The following CSMD1 variants were observed in gnomAD, a reference collection of about 807,000 sequenced individuals.
The protein encoded by CSMD1 is CUB and sushi domain-containing protein 1.
Under a neutral mutation model 417.5 loss-of-function variants are expected in CSMD1, and 213 were observed. The ratio of observed to expected loss-of-function variants is 0.51; its 90% CI spans 0.46 to 0.57. The LOEUF (loss-of-function observed/expected upper bound fraction) is 0.57, where lower values mean the gene tolerates loss of function less well. Among genes scored for constraint, CSMD1 ranks in the 20% least tolerant of loss-of-function variants. The pLI, the probability that CSMD1 is intolerant of heterozygous loss-of-function variation, is 0.00. For missense variants in CSMD1, 6,923 were observed against 4,529.7 expected, an observed-to-expected ratio of 1.53 and a Z score of -15.17; for synonymous variants, 2,862 against 1,736.8, an observed-to-expected ratio of 1.65 and a Z score of -16.11.
intron 12 of CSMD1, among the ~76,000 whole-genome samples, chr8:3,464,243 C>A (rs1315218708): frequency 2.0e-5 from 3 of 152,076 alleles, no homozygotes; most frequent in Admixed American, 2.0e-4. Context: ...TCAGAGTCAA[C>A]TCACTTTACT....
chr8:4,400,172 C>A (rs756792619), intron 3 of CSMD1, among the ~76,000 whole-genome samples: 9 of 152,140 alleles, frequency 5.9e-5, no homozygotes, highest in Non-Finnish European at 8.8e-5. Flanking sequence ...GAAGTAATTA[C>A]TGATTAAATA....
At chr8:3,783,503 A>G (rs1799292929) in intron 5 of CSMD1, among the ~76,000 whole-genome samples, 1 of 152,116 alleles carries the variant, frequency 6.6e-6, no homozygotes, top group Non-Finnish European at 1.5e-5. Context: ...TGAGGAGGGG[A>G]AAGGACCTGA....
intron 3 of CSMD1, among the ~76,000 whole-genome samples, chr8:4,207,198 G>C (rs994366551): frequency 6.6e-6 from 1 of 152,152 alleles, no homozygotes; most frequent in Non-Finnish European, 1.5e-5. Context: ...GACGTAGATA[G>C]GAAATGAATG....
chr8:4,139,830 G>T (rs989614149), intron 3 of CSMD1, among the ~76,000 whole-genome samples: 1 of 150,972 alleles, frequency 6.6e-6, no homozygotes, highest in African/African-American at 2.5e-5. Context: ...AGAGGGCCTT[G>T]GAGCAGAAGA....
intron 3 of CSMD1, among the ~76,000 whole-genome samples, chr8:4,040,007 C>A (rs1471961365): frequency 3.9e-5 from 6 of 152,116 alleles, no homozygotes; most frequent in African/African-American, 1.4e-4. Context: ...GTGCCCCATA[C>A]ATGTCAGGAC....
chr8:4,450,566 C>T (rs1371493447), intron 2 of CSMD1, among the ~76,000 whole-genome samples: 4 of 151,972 alleles, frequency 2.6e-5, no homozygotes, highest in African/African-American at 4.8e-5. Flanking sequence ...ACCCGGGAGG[C>T]AGAGGTTGCA....
At chr8:4,533,797 G>A (rs1186840508) in intron 2 of CSMD1, among the ~76,000 whole-genome samples, 1 of 151,396 alleles carries the variant, frequency 6.6e-6, no homozygotes, top group Non-Finnish European at 1.5e-5. Context: ...ATTTTTCTGT[G>A]CTTCTATATT....
At chr8:4,968,167 A>G (rs1810004010) in intron 1 of CSMD1, among the ~76,000 whole-genome samples, 1 of 152,196 alleles carries the variant, frequency 6.6e-6, no homozygotes, top group South Asian at 2.1e-4. Flanking sequence ...TACTTCTGAA[A>G]TAGGATAATT....
At chr8:3,859,974 C>G (rs892159614) in intron 5 of CSMD1, among the ~76,000 whole-genome samples, 4 of 152,036 alleles carry the variant, frequency 2.6e-5, no homozygotes, top group East Asian at 1.9e-4. Flanking sequence ...AATTTTCAAG[C>G]CTGAGGGTGG....
intron 2 of CSMD1, among the ~76,000 whole-genome samples, chr8:4,474,587 G>C (rs1004854241): frequency 2.6e-5 from 4 of 152,118 alleles, no homozygotes; most frequent in Non-Finnish European, 5.9e-5. Flanking sequence ...ACCTTTAGGC[G>C]GTGTTTCTGT....
intron 10 of CSMD1, among the ~76,000 whole-genome samples, chr8:3,548,340 G>C (rs1798763711): frequency 6.6e-6 from 1 of 151,928 alleles, no homozygotes; most frequent in Admixed American, 6.6e-5. Context: ...GGTGGTATTT[G>C]GTTACGTGAT....
intron 26 of CSMD1, among the ~76,000 whole-genome samples, chr8:3,237,366 C>G (rs1302911505): frequency 2.6e-5 from 4 of 151,496 alleles, no homozygotes; most frequent in Non-Finnish European, 1.5e-5. Flanking sequence ...ACTCGGGAGG[C>G]TGAGGCAGGA....
intron 26 of CSMD1, among the ~76,000 whole-genome samples, chr8:3,269,954 A>T (rs573389132): frequency 6.6e-6 from 1 of 152,072 alleles, no homozygotes; most frequent in East Asian, 1.9e-4. Flanking sequence ...CATAAAGCAA[A>T]GTTTAGGTCA....
intron 3 of CSMD1, among the ~76,000 whole-genome samples, chr8:4,411,386 G>C (rs1384754786): frequency 3.3e-5 from 5 of 151,942 alleles, no homozygotes; most frequent in Admixed American, 2.6e-4. Context: ...CAGCCACAGT[G>C]CTGGTCTTAG....
In CSMD1 at chr8:4,467,164, T is replaced by G. The variant is rs181687174; in HGVS notation, c.303-47099A>C. Among the ~76,000 whole-genome samples the G allele has an allele frequency of 5.5e-4, 84 of 151,644 alleles. 1 individual carries two copies. Among genetic ancestry groups the G allele is most frequent in the Middle Eastern group, 3.5e-3 (1 of 288 alleles). ...AAGAAAAAAAAAGAAAAAACAAATG[T>G]TGACAACTCGTTCTGTAAACAATGT... On this transcript the variant is annotated intron_variant, in intron 2 of 69. Transcript: ENST00000635120.
chr8:4,257,406 A>C (rs957597317), intron 3 of CSMD1, among the ~76,000 whole-genome samples: 1 of 150,606 alleles, frequency 6.6e-6, no homozygotes, highest in Non-Finnish European at 1.5e-5. Context: ...TCTCATGTAT[A>C]ATCATGGATT....
At chr8:4,083,143 C>G (rs1024806702) in intron 3 of CSMD1, among the ~76,000 whole-genome samples, 4 of 152,060 alleles carry the variant, frequency 2.6e-5, no homozygotes, top group African/African-American at 7.2e-5. Flanking sequence ...AACGGGATGG[C>G]TGGGTCAAAT....
At chr8:4,470,218 T>C (rs1800446156) in intron 2 of CSMD1, among the ~76,000 whole-genome samples, 1 of 152,112 alleles carries the variant, frequency 6.6e-6, no homozygotes, top group Admixed American at 6.6e-5. Context: ...CTCTGGCCTC[T>C]GATATTTTTC....
At chr8:4,615,423 G>A (rs1272727791) in intron 2 of CSMD1, among the ~76,000 whole-genome samples, 2 of 152,042 alleles carry the variant, frequency 1.3e-5, no homozygotes, top group Non-Finnish European at 2.9e-5. Flanking sequence ...CTTGTAAAAA[G>A]TACAACCGTT....
Sources: allele counts gnomAD v4.1 joint callset (sites outside exome capture counted in the v4.1 genomes callset), GRCh38; gene constraint gnomAD v4.1.1; transcripts MANE v1.5; gene names NCBI Gene and HGNC (gene_info 2026-07-23, HGNC 2026-07-21).